Variants in ZHX2 observed in about 807,000 individuals in gnomAD.
ZHX2 encodes zinc fingers and homeoboxes 2, also known as zinc fingers and homeoboxes protein 2.
Under a neutral mutation model 21.9 loss-of-function variants are expected in ZHX2, and 6 were observed. The ratio of observed to expected loss-of-function variants is 0.27; its 90% confidence interval spans 0.15 to 0.54. The LOEUF is 0.54. ZHX2 is among the 20% of genes least tolerant of loss of function. The pLI, the probability that ZHX2 is intolerant of heterozygous loss-of-function variation, is 0.95. For synonymous variants in ZHX2, 434 were observed against 437.1 expected (o/e 0.99, Z 0.09); for missense variants, 908 against 1,090.7 (o/e 0.83, Z 2.36).
At chr8:122,834,858 C>T (rs1209175190) in intron 1 of ZHX2, among the ~76,000 whole-genome samples, 6 of 152,126 alleles carry the variant, frequency 3.9e-5, no homozygotes, top group African/African-American at 1.2e-4. Flanking sequence ...TTATGGGCAC[C>T]CTTTTTGAGT....
intron 2 of ZHX2, among the ~76,000 whole-genome samples, chr8:122,907,968 AG>A (rs754062438): frequency 6.6e-6 from 1 of 152,188 alleles, no homozygotes; most frequent in Non-Finnish European, 1.5e-5. Context: ...GACAGTTTAG[AG>A]GTTTGCCTTG....
At chr8:122,958,780 T>G (rs920272612) in intron 3 of ZHX2, among the ~76,000 whole-genome samples, 3 of 152,204 alleles carry the variant, frequency 2.0e-5, no homozygotes, top group Admixed American at 1.3e-4. Context: ...TTTCTTGATT[T>G]TGTGTGGGAG....
At chr8:122,842,121 C>G (rs1308458016) in intron 1 of ZHX2, among the ~76,000 whole-genome samples, 2 of 152,244 alleles carry the variant, frequency 1.3e-5, no homozygotes, top group African/African-American at 4.8e-5. Context: ...CAAGTTCCAG[C>G]TCTTCCAGGC....
chr8:122,842,707 C>CA (rs771331736), intron 1 of ZHX2, among the ~76,000 whole-genome samples: 6,701 of 148,080 alleles, frequency 0.045, 206 homozygotes, highest in Non-Finnish European at 0.066. Context: ...GACTCCATCT[C>CA]AAAAAAAAAA....
rs573916788 is a variant in ZHX2, at chr8:122,860,228, G to A, written c.-282-3249G>A. On this transcript the variant is annotated intron_variant, in intron 1 of 3. Coordinates refer to ENST00000314393, the MANE Select transcript of ZHX2 (RefSeq NM_014943.5). ...CACTCACTATCATGAGAACAGCATG[G>A]GGAAAACCACGCTCATGATTCAATT... 9.7e-4 allele frequency among the ~76,000 whole-genome samples: 147 copies of A among 152,260 alleles called. 1 individual carries two copies. The highest frequency in any genetic ancestry group is 3.4e-3 in the African/African-American group (142 of 41,542).
At chr8:122,846,643 G>C (rs942020839) in intron 1 of ZHX2, among the ~76,000 whole-genome samples, 1 of 149,098 alleles carries the variant, frequency 6.7e-6, no homozygotes, top group Non-Finnish European at 1.5e-5. Context: ...TTGTTACTCA[G>C]GCCTTAAATA....
intron 1 of ZHX2, among the ~76,000 whole-genome samples, chr8:122,831,725 A>G (rs939435166): frequency 4.6e-5 from 7 of 152,198 alleles, no homozygotes; most frequent in Non-Finnish European, 8.8e-5. Context: ...GGCAGCTTTA[A>G]GGAGCTTGTT....
intron 2 of ZHX2, among the ~76,000 whole-genome samples, chr8:122,917,167 G>C (rs1350871168): frequency 6.6e-6 from 1 of 152,128 alleles, no homozygotes; most frequent in African/African-American, 2.4e-5. Flanking sequence ...AGGAGGTTTT[G>C]TCTCCACCTA....
At chr8:122,816,400 T>C (rs1818035295) in intron 1 of ZHX2, 1 of 151,840 alleles carries the variant, frequency 6.6e-6, no homozygotes, top group South Asian at 2.1e-4. Flanking sequence ...GAAGTCTCAA[T>C]AGCTCCAAAG....
intron 1 of ZHX2, among the ~76,000 whole-genome samples, chr8:122,820,582 G>A (rs759096059): frequency 2.6e-5 from 4 of 152,218 alleles, no homozygotes; most frequent in Non-Finnish European, 4.4e-5. Flanking sequence ...GGATTGTGCA[G>A]GAAGCTCAGC....
intron 1 of ZHX2, among the ~76,000 whole-genome samples, chr8:122,786,622 G>A (rs1817401578): frequency 6.6e-6 from 1 of 152,156 alleles, no homozygotes; most frequent in South Asian, 2.1e-4. Context: ...TGACTTTATT[G>A]TAAATTTGAG....
At chr8:122,906,391 T>C (rs1563776166) in intron 2 of ZHX2, among the ~76,000 whole-genome samples, 2 of 152,204 alleles carry the variant, frequency 1.3e-5, no homozygotes, top group African/African-American at 2.4e-5. Context: ...TTATGCTACA[T>C]TGAGACAATG....
At chr8:122,836,396 G>A (rs897307727) in intron 1 of ZHX2, among the ~76,000 whole-genome samples, 1 of 152,194 alleles carries the variant, frequency 6.6e-6, no homozygotes, top group Non-Finnish European at 1.5e-5. Flanking sequence ...GCTCTCCGGG[G>A]TGGAGGGGTA....
intron 1 of ZHX2, among the ~76,000 whole-genome samples, chr8:122,826,993 A>C (rs921018627): frequency 6.6e-6 from 1 of 152,148 alleles, no homozygotes; most frequent in Non-Finnish European, 1.5e-5. Flanking sequence ...ATGAATTTAG[A>C]AAATGACAAG....
chr8:122,926,988 C>A (rs966046678), intron 2 of ZHX2, among the ~76,000 whole-genome samples: 1 of 152,134 alleles, frequency 6.6e-6, no homozygotes, highest in African/African-American at 2.4e-5. Flanking sequence ...TATAAGATAA[C>A]ATCTTTTTTT....
chr8:122,822,290 G>A (rs1422518399), intron 1 of ZHX2, among the ~76,000 whole-genome samples: 2 of 152,162 alleles, frequency 1.3e-5, no homozygotes, highest in East Asian at 3.9e-4. Flanking sequence ...GGTTGCTGCT[G>A]TGATGGCGGC....
rs962692727 is a variant in ZHX2, at chr8:122,782,508, C to G, written c.-283+562C>G. 2.6e-5 allele frequency among the ~76,000 whole-genome samples: 4 copies of G among 152,058 alleles called. No individual in the cohort carries two copies. The highest frequency in any genetic ancestry group is 5.9e-5 in the Non-Finnish European group (4 of 67,996). Reference sequence around the variant, plus strand: ...GGGGCTGCGTGTGTCTGCTCCCCTCCCTCCCCCTCTCCCCTCGCTCCCCTC... The same window carrying G: ...GGGGCTGCGTGTGTCTGCTCCCCTCGCTCCCCCTCTCCCCTCGCTCCCCTC... On this transcript the variant is annotated intron_variant, in intron 1 of 3. Coordinates refer to ENST00000314393, the MANE Select transcript of ZHX2 (RefSeq NM_014943.5). The surrounding 1 kb of genome is among the most constrained non-coding windows in gnomAD (Gnocchi z 5.3).
intron 1 of ZHX2, among the ~76,000 whole-genome samples, chr8:122,863,064 G>A (rs1204841841): frequency 1.3e-5 from 2 of 152,076 alleles, no homozygotes; most frequent in African/African-American, 4.8e-5. Flanking sequence ...TCGACTTGAG[G>A]CCTGAGCACA....
intron 2 of ZHX2, among the ~76,000 whole-genome samples, chr8:122,865,573 G>A (rs752046903): frequency 2.0e-5 from 3 of 152,154 alleles, no homozygotes; most frequent in Non-Finnish European, 4.4e-5. Context: ...AATGTCTGTG[G>A]TTCAGAGCAT....
Sources: gnomAD v4.1 joint callset for allele counts (sites outside exome capture counted in the v4.1 genomes callset) on GRCh38, gnomAD v4.1.1 for gene constraint, Gnocchi (gnomAD v3.1) non-coding constraint, MANE v1.5 for transcripts, NCBI Gene and HGNC (gene_info 2026-07-23, HGNC 2026-07-21) for gene names.